The following GSK3B variants were observed in gnomAD, a reference collection of about 807,000 sequenced individuals.
GSK3B encodes glycogen synthase kinase-3 beta.
Under a neutral mutation model 56.4 loss-of-function variants are expected in GSK3B, and 15 were observed. That is an observed-to-expected ratio of 0.27 (90% CI 0.18 to 0.41). GSK3B has a LOEUF of 0.41. GSK3B is among the 10% of genes least tolerant of loss of function. The pLI is 1.00. For missense variants in GSK3B, 300 were observed against 513.4 expected (o/e 0.58, Z 4.02); for synonymous variants, 181 against 188.9 (o/e 0.96, Z 0.34).
intron 9 of GSK3B, among the ~76,000 whole-genome samples, chr3:119,850,353 GTTC>G (rs772174124): frequency 1.3e-5 from 2 of 152,230 alleles, no homozygotes; most frequent in South Asian, 2.1e-4. Flanking sequence ...ACACCCCATT[GTTC>G]TTCTTCTCTT....
chr3:120,063,241 G>A (rs1482756119), intron 1 of GSK3B, among the ~76,000 whole-genome samples: 1 of 152,160 alleles, frequency 6.6e-6, no homozygotes, highest in Non-Finnish European at 1.5e-5. Context: ...GGGAATCAGA[G>A]AACATTTTAA....
At chr3:119,914,943 G>A (rs976637062) in intron 5 of GSK3B, among the ~76,000 whole-genome samples, 2 of 152,024 alleles carry the variant, frequency 1.3e-5, no homozygotes, top group Admixed American at 6.6e-5. Context: ...TAACAAGGGT[G>A]AAAAAATTAA....
chr3:119,877,655 T>C (rs2056329730), intron 7 of GSK3B, among the ~76,000 whole-genome samples: 2 of 152,162 alleles, frequency 1.3e-5, no homozygotes, highest in Admixed American at 1.3e-4. Flanking sequence ...GGAACTATGT[T>C]AGGACCTTTG....
At chr3:120,045,668 G>A (rs560350967) in intron 1 of GSK3B, among the ~76,000 whole-genome samples, 14 of 152,226 alleles carry the variant, frequency 9.2e-5, no homozygotes, top group South Asian at 6.2e-4. Flanking sequence ...CACGAGACAC[G>A]CCCTTCTGCA....
At chr3:120,070,526 C>T (rs551551336) in intron 1 of GSK3B, among the ~76,000 whole-genome samples, 10 of 151,076 alleles carry the variant, frequency 6.6e-5, no homozygotes, top group Non-Finnish European at 1.2e-4. Context: ...AGAGATGAGG[C>T]TAAAATGGTC....
chr3:119,833,690 GTTTTTTTTTTT>G, intron 10 of GSK3B, among the ~76,000 whole-genome samples: 1 of 75,788 alleles, frequency 1.3e-5, no homozygotes, highest in South Asian at 4.8e-4. Context: ...ACATTAGGTT[GTTTTTTTTTTT>G]TTTTTTTTTT....
chr3:120,070,909 T>C (rs2058321721), intron 1 of GSK3B, among the ~76,000 whole-genome samples: 1 of 152,232 alleles, frequency 6.6e-6, no homozygotes. Context: ...ATTAGTTTTG[T>C]GTCCTTTACC....
chr3:119,865,313 T>C (rs1436569179), intron 8 of GSK3B, among the ~76,000 whole-genome samples: 2 of 151,380 alleles, frequency 1.3e-5, no homozygotes, highest in African/African-American at 4.9e-5. Flanking sequence ...GAAATAAATA[T>C]CTCCCACTAA....
intron 9 of GSK3B, among the ~76,000 whole-genome samples, chr3:119,858,287 A>C (rs749542719): frequency 4.6e-5 from 7 of 152,242 alleles, no homozygotes; most frequent in Non-Finnish European, 1.0e-4. Context: ...ATCTTCTTCC[A>C]ATAGAAGGCT....
intron 9 of GSK3B, among the ~76,000 whole-genome samples, chr3:119,847,605 A>G (rs1003577854): frequency 1.3e-5 from 2 of 152,232 alleles, no homozygotes; most frequent in African/African-American, 4.8e-5. Context: ...AGCCCACAGA[A>G]GTACTGTGAT....
chr3:119,987,651 A>G (rs1691056850), intron 2 of GSK3B, among the ~76,000 whole-genome samples: 1 of 151,214 alleles, frequency 6.6e-6, no homozygotes, highest in Non-Finnish European at 1.5e-5. Flanking sequence ...CAAAACTTAT[A>G]AAGCATTAAA....
chr3:120,051,598 C>T (rs2058150366), intron 1 of GSK3B, among the ~76,000 whole-genome samples: 1 of 152,024 alleles, frequency 6.6e-6, no homozygotes, highest in Admixed American at 6.5e-5. Context: ...AAAACCCCAT[C>T]TCTACGAAAA....
At chr3:119,888,651 G>C (rs1349254174) in intron 7 of GSK3B, among the ~76,000 whole-genome samples, 1 of 152,074 alleles carries the variant, frequency 6.6e-6, no homozygotes, top group Non-Finnish European at 1.5e-5. Context: ...CAGGGAACTA[G>C]GGAAGACAAC....
At chr3:120,089,824 T>C (rs993317427) in intron 1 of GSK3B, among the ~76,000 whole-genome samples, 1 of 152,196 alleles carries the variant, frequency 6.6e-6, no homozygotes, top group African/African-American at 2.4e-5. Flanking sequence ...AAACATTTAT[T>C]TAATTACATG....
chr3:120,030,308 T>C (rs2057964851), intron 1 of GSK3B, among the ~76,000 whole-genome samples: 1 of 152,196 alleles, frequency 6.6e-6, no homozygotes, highest in Non-Finnish European at 1.5e-5. Flanking sequence ...AAATACATGG[T>C]ATTTATCCAA....
At chr3:120,075,039 C>T (rs576872940) in intron 1 of GSK3B, among the ~76,000 whole-genome samples, 83 of 152,264 alleles carry the variant, frequency 5.5e-4, no homozygotes, top group African/African-American at 1.9e-3. Context: ...CAAAAAATTA[C>T]ACATCATGAT....
chr3:120,032,115 T>C (rs1163934756), intron 1 of GSK3B, among the ~76,000 whole-genome samples: 3 of 152,214 alleles, frequency 2.0e-5, no homozygotes, highest in Non-Finnish European at 4.4e-5. Flanking sequence ...TCAATAATGA[T>C]TTTTATAAGG....
At chr3:120,088,464 TCAA>T (rs1041301873) in intron 1 of GSK3B, among the ~76,000 whole-genome samples, 1 of 152,202 alleles carries the variant, frequency 6.6e-6, no homozygotes, top group African/African-American at 2.4e-5. Flanking sequence ...TACATTACAC[TCAA>T]CAAATTTCAA....
chr3:119,912,675 A>G (rs749414675), intron 6 of GSK3B, 29 bp downstream of exon 6: 2 of 950,966 alleles, frequency 2.1e-6, no homozygotes, highest in Non-Finnish European at 3.3e-6. Flanking sequence ...ATTAATAATT[A>G]TGAGCATTAT....
Sources: gnomAD v4.1 joint callset for allele counts (sites outside exome capture counted in the v4.1 genomes callset) on GRCh38, gnomAD v4.1.1 for gene constraint, MANE v1.5 for transcripts, NCBI Gene and HGNC (gene_info 2026-07-23, HGNC 2026-07-21) for gene names.